Variants in DCC observed in about 807,000 individuals in gnomAD.
DCC encodes DCC netrin 1 receptor, also known as netrin receptor DCC.
In DCC, 58 loss-of-function variants were observed where a neutral mutation model predicts 172.5. The observed-to-expected ratio is 0.34, with a 90% CI of 0.27 to 0.42. The LOEUF (loss-of-function observed/expected upper bound fraction) is 0.42, where lower values mean the gene tolerates loss of function less well. DCC is among the 10% of genes least tolerant of loss of function. DCC has a pLI of 1.00. For missense variants in DCC, 1,740 were observed against 1,791.0 expected, an observed-to-expected ratio of 0.97 and a Z score of 0.51; for synonymous variants, 709 against 644.5, an observed-to-expected ratio of 1.10 and a Z score of -1.52.
intron 2 of DCC, among the ~76,000 whole-genome samples, chr18:52,846,075 T>A (rs2038883682): frequency 6.6e-6 from 1 of 152,240 alleles, no homozygotes; most frequent in African/African-American, 2.4e-5. Flanking sequence ...AACATCTATT[T>A]CAGTTTTCCT....
intron 24 of DCC, among the ~76,000 whole-genome samples, chr18:53,460,158 T>C (rs1206235382): frequency 1.5e-5 from 1 of 68,102 alleles, no homozygotes; most frequent in East Asian, 2.8e-4. Context: ...TGTAAGATAG[T>C]TCACTTTCTC....
intron 8 of DCC, among the ~76,000 whole-genome samples, chr18:53,171,856 TAA>T (rs35188617): frequency 2.5e-4 from 36 of 145,356 alleles, no homozygotes; most frequent in East Asian, 7.9e-4. Context: ...TGGCTATTAC[TAA>T]AAAAAAAAAA....
intron 1 of DCC, among the ~76,000 whole-genome samples, chr18:52,511,099 G>A (rs1443351904): frequency 6.6e-6 from 1 of 151,988 alleles, no homozygotes; most frequent in Non-Finnish European, 1.5e-5. Flanking sequence ...GACTAACATG[G>A]TGAAACCCCG....
intron 5 of DCC, among the ~76,000 whole-genome samples, chr18:52,944,545 GAGA>G (rs2040512316): frequency 1.3e-5 from 2 of 152,202 alleles, no homozygotes; most frequent in Admixed American, 1.3e-4. Flanking sequence ...TAAGTGACAG[GAGA>G]AGGAGTGGGA....
At chr18:52,707,753 C>T (rs2036232567) in intron 1 of DCC, among the ~76,000 whole-genome samples, 1 of 152,042 alleles carries the variant, frequency 6.6e-6, no homozygotes, top group African/African-American at 2.4e-5. Flanking sequence ...GGAGATAAGC[C>T]AGGGACAACA....
intron 1 of DCC, among the ~76,000 whole-genome samples, chr18:52,357,579 A>G (rs970503563): frequency 4.6e-5 from 7 of 152,124 alleles, no homozygotes; most frequent in African/African-American, 1.7e-4. Flanking sequence ...TATTATATAT[A>G]CTCTACTCTC....
chr18:53,111,577 G>T (rs2043332772), intron 7 of DCC, among the ~76,000 whole-genome samples: 2 of 151,210 alleles, frequency 1.3e-5, no homozygotes, highest in Non-Finnish European at 3.0e-5. Flanking sequence ...ACAATTTTAG[G>T]TTATCAGTCT....
chr18:53,229,515 T>C (rs2056089694), intron 12 of DCC, among the ~76,000 whole-genome samples: 1 of 152,172 alleles, frequency 6.6e-6, no homozygotes. Context: ...TCATATCGTA[T>C]CTGTGGGGTG....
chr18:53,379,511 C>T (rs1456876527), intron 15 of DCC, among the ~76,000 whole-genome samples: 1 of 152,172 alleles, frequency 6.6e-6, no homozygotes. Context: ...CCCTCAGCCC[C>T]AGAGAAAGAC....
At chr18:52,746,724 A>G (rs1168268139) in intron 1 of DCC, among the ~76,000 whole-genome samples, 1 of 152,132 alleles carries the variant, frequency 6.6e-6, no homozygotes, top group Non-Finnish European at 1.5e-5. Flanking sequence ...TAGATAATTA[A>G]TATAAACTTG....
At chr18:52,702,703 G>T (rs367921537) in intron 1 of DCC, among the ~76,000 whole-genome samples, 5 of 152,132 alleles carry the variant, frequency 3.3e-5, no homozygotes, top group African/African-American at 9.6e-5. Flanking sequence ...AAAAATTCTA[G>T]CTCCCTTGGC....
chr18:52,605,081 C>T (rs143186132), intron 1 of DCC, among the ~76,000 whole-genome samples: 1 of 152,162 alleles, frequency 6.6e-6, no homozygotes, highest in East Asian at 1.9e-4. Context: ...ATCATGGTCA[C>T]TGACTTGTCA....
intron 1 of DCC, among the ~76,000 whole-genome samples, chr18:52,403,920 C>A (rs1002338606): frequency 6.6e-6 from 1 of 152,032 alleles, no homozygotes; most frequent in African/African-American, 2.4e-5. Flanking sequence ...TTCTCTGTGT[C>A]ACTAGACATT....
chr18:52,847,725 C>G (rs1480547818), intron 2 of DCC, among the ~76,000 whole-genome samples: 1 of 152,106 alleles, frequency 6.6e-6, no homozygotes, highest in Non-Finnish European at 1.5e-5. Flanking sequence ...CCTGGTTAGA[C>G]CATTGGATCA....
chr18:52,840,271 T>C (rs866946089), intron 2 of DCC, among the ~76,000 whole-genome samples: 1 of 152,212 alleles, frequency 6.6e-6, no homozygotes, highest in Admixed American at 6.5e-5. Flanking sequence ...CACAGTCTGC[T>C]CTGTTATCTG....
intron 5 of DCC, among the ~76,000 whole-genome samples, chr18:52,943,377 A>G (rs576611903): frequency 6.6e-6 from 1 of 152,274 alleles, no homozygotes; most frequent in Non-Finnish European, 1.5e-5. Context: ...ATTACTGTGC[A>G]TATTTAATCA....
chr18:52,589,503 C>T (rs1016792161), intron 1 of DCC, among the ~76,000 whole-genome samples: 8 of 152,176 alleles, frequency 5.3e-5, no homozygotes, highest in East Asian at 3.9e-4. Context: ...TGTTCTCAAG[C>T]TGTGTATGCA....
chr18:53,425,649 A>C (rs1286549218), intron 21 of DCC, among the ~76,000 whole-genome samples: 1 of 152,084 alleles, frequency 6.6e-6, no homozygotes, highest in Non-Finnish European at 1.5e-5. Context: ...GGAATGAGCC[A>C]CTGCTCCTGG....
intron 1 of DCC, among the ~76,000 whole-genome samples, chr18:52,630,027 G>C (rs1334046409): frequency 1.3e-5 from 2 of 149,922 alleles, no homozygotes; most frequent in East Asian, 2.0e-4. Flanking sequence ...TCAGGAGGTT[G>C]AGGCAGGAGA....
Sources: gnomAD v4.1 joint callset for allele counts (sites outside exome capture counted in the v4.1 genomes callset) on GRCh38, gnomAD v4.1.1 for gene constraint, MANE v1.5 for transcripts, NCBI Gene and HGNC (gene_info 2026-07-23, HGNC 2026-07-21) for gene names.